The following PDLIM5 variants were observed in gnomAD, a reference collection of about 807,000 sequenced individuals.
The protein encoded by PDLIM5 is PDZ and LIM domain protein 5.
Under a neutral mutation model 64.2 loss-of-function variants are expected in PDLIM5, and 34 were observed. The observed-to-expected ratio is 0.53, with a 90% CI of 0.40 to 0.71. The LOEUF (loss-of-function observed/expected upper bound fraction) is 0.71, where lower values mean the gene tolerates loss of function less well. PDLIM5 is among the 30% of genes least tolerant of loss of function. The probability of loss-of-function intolerance (pLI) is 0.00; values close to 1 mark genes in which losing one functional copy is unlikely to be tolerated. For missense variants in PDLIM5, 683 were observed against 733.6 expected (o/e 0.93, Z 0.80); for synonymous variants, 253 against 269.1 (o/e 0.94, Z 0.59).
chr4:94,471,861 G>A (rs9685629), intron 2 of PDLIM5, among the ~76,000 whole-genome samples: 2 of 151,810 alleles, frequency 1.3e-5, no homozygotes, highest in African/African-American at 4.8e-5. Context: ...ATAAGTATTT[G>A]TACTTACAAA....
chr4:94,480,681 C>A (rs920806638), intron 2 of PDLIM5, among the ~76,000 whole-genome samples: 1 of 152,174 alleles, frequency 6.6e-6, no homozygotes. Flanking sequence ...CCTCCTTCTA[C>A]CCTTCAGACC....
intron 2 of PDLIM5, among the ~76,000 whole-genome samples, chr4:94,508,038 G>A (rs1382736436): frequency 1.3e-5 from 2 of 152,084 alleles, no homozygotes; most frequent in Non-Finnish European, 2.9e-5. Flanking sequence ...GGAACACATG[G>A]TCCACCACTG....
intron 2 of PDLIM5, among the ~76,000 whole-genome samples, chr4:94,520,091 A>C (rs1341668901): frequency 6.6e-6 from 1 of 152,158 alleles, no homozygotes; most frequent in Non-Finnish European, 1.5e-5. Flanking sequence ...CCTTCATTTC[A>C]GCATCAGTGA....
At chr4:94,613,957 A>G (rs1423939618) in intron 7 of PDLIM5, among the ~76,000 whole-genome samples, 1 of 144,620 alleles carries the variant, frequency 6.9e-6, no homozygotes, top group Non-Finnish European at 1.5e-5. Context: ...GTGACTTTTA[A>G]TCCTTTTTTT....
In PDLIM5 at chr4:94,585,743, T is replaced by A. The variant is rs200380148; in HGVS notation, c.883+6T>A. The A allele has an allele frequency of 1.6e-5, 26 of 1,610,120 alleles. No individual in the cohort carries two copies. The East Asian group carries it at 5.6e-4, about 35-fold the overall frequency. On this transcript the variant is annotated splice_donor_region_variant and intron_variant, in intron 6 of 12. Coordinates refer to ENST00000317968, the MANE Select transcript of PDLIM5 (RefSeq NM_006457.5). ...GATCACTGGGACTGAACATTGTAAG[T>A]GAACTTCTAGGTATCCTAATGGATG...
chr4:94,654,288 A>G lies in PDLIM5; in HGVS notation c.1284-172A>G, dbSNP rs151300448. ...CGTCTCCCGTTTTCTTTTCACATCA[A>G]TGCAGAGTCCCTCTGTGAATTTACA... On this transcript the variant is annotated intron_variant, in intron 9 of 12. Coordinates refer to ENST00000317968, the MANE Select transcript of PDLIM5 (RefSeq NM_006457.5). 1.5e-4 allele frequency among the ~76,000 whole-genome samples: 23 copies of G among 152,288 alleles called. 1 individual carries two copies. The East Asian group carries it at 3.9e-3, about 26-fold the overall frequency.
At chr4:94,649,112 ACCACGGGCACGTG>A (rs766481316) in intron 9 of PDLIM5, among the ~76,000 whole-genome samples, 3 of 151,898 alleles carry the variant, frequency 2.0e-5, no homozygotes, top group Non-Finnish European at 4.4e-5. Flanking sequence ...AATAGCTAAG[ACCACGGGCACGTG>A]CCACCATGCC....
At position 94,665,508 on chromosome 4, in the gene PDLIM5, AGAG is replaced by A. The variant is rs1743037433; in HGVS notation, c.*1442_*1444del. ...AAAAAAAAAAAAAAAAAAAAAAAAG[AGAG>A]AGAGAGAATAAATAGAAAAGAATGT... On this transcript the variant is annotated 3_prime_UTR_variant, in exon 13 of 13. Transcript: ENST00000317968. 1.0e-5 allele frequency: 6 copies of A among 585,952 alleles called. No individual in the cohort carries two copies. Among genetic ancestry groups the A allele is most frequent in the South Asian group, 7.4e-5 (1 of 13,514 alleles). The allele number at this position is 585,952 out of a possible 1,614,324, so 36.3% of individuals were successfully genotyped here.
At chr4:94,655,184 T>A (rs1742115750) in intron 10 of PDLIM5, among the ~76,000 whole-genome samples, 2 of 152,178 alleles carry the variant, frequency 1.3e-5, no homozygotes, top group African/African-American at 4.8e-5. Context: ...GCACATGTGA[T>A]GGAAAAATAA....
At chr4:94,498,386 T>G (rs1727596232) in intron 2 of PDLIM5, among the ~76,000 whole-genome samples, 1 of 152,136 alleles carries the variant, frequency 6.6e-6, no homozygotes, top group African/African-American at 2.4e-5. Context: ...CACATATGGG[T>G]CTTCTTTTTG....
intron 11 of PDLIM5, among the ~76,000 whole-genome samples, chr4:94,659,224 A>C (rs978685440): frequency 1.3e-5 from 2 of 151,902 alleles, no homozygotes; most frequent in Admixed American, 1.3e-4. Context: ...CTATCCAAAA[A>C]CCTGCAGGCC....
intron 2 of PDLIM5, among the ~76,000 whole-genome samples, chr4:94,521,468 A>G (rs1207397921): frequency 6.6e-6 from 1 of 152,054 alleles, no homozygotes; most frequent in Non-Finnish European, 1.5e-5. Flanking sequence ...GTGGTACTTA[A>G]GGAAGAGGCA....
rs1297412902 is a variant in PDLIM5 at position 94,592,839 on chromosome 4, G to A, written c.920+6395G>A. Among the ~76,000 whole-genome samples, 6 of 151,990 alleles carry A rather than the reference G, an allele frequency of 3.9e-5. No individual in the cohort carries two copies. The East Asian group carries it at 5.8e-4, about 15-fold the overall frequency. On this transcript the variant is annotated intron_variant, in intron 7 of 12. Coordinates refer to ENST00000317968, the MANE Select transcript of PDLIM5 (RefSeq NM_006457.5). ...TTGCCATGTTGCCCAGGCTGGTCTC[G>A]AACTCTTGGCAATCTGCCTGCCTCA...
intron 3 of PDLIM5, among the ~76,000 whole-genome samples, chr4:94,546,100 A>G (rs1732288382): frequency 6.6e-6 from 1 of 152,196 alleles, no homozygotes; most frequent in Non-Finnish European, 1.5e-5. Context: ...TGTGCATATT[A>G]TACAAATGAT....
chr4:94,611,488 TTC>T (rs1402916100), intron 7 of PDLIM5, among the ~76,000 whole-genome samples: 3 of 152,346 alleles, frequency 2.0e-5, no homozygotes, highest in Admixed American at 6.5e-5. Context: ...GCAGTAGAAT[TTC>T]TGTCTTTCAT....
intron 2 of PDLIM5, among the ~76,000 whole-genome samples, chr4:94,491,780 A>G (rs1364491929): frequency 6.6e-6 from 1 of 152,116 alleles, no homozygotes; most frequent in African/African-American, 2.4e-5. Context: ...ATTTTAATTG[A>G]CATATCTTAA....
intron 9 of PDLIM5, among the ~76,000 whole-genome samples, chr4:94,641,966 G>A (rs1741035973): frequency 1.3e-5 from 2 of 152,172 alleles, no homozygotes; most frequent in South Asian, 4.1e-4. Context: ...TGGGGTCTCT[G>A]TCTTATAGAA....
At chr4:94,486,847 T>TA (rs1450387227) in intron 2 of PDLIM5, among the ~76,000 whole-genome samples, 5 of 151,956 alleles carry the variant, frequency 3.3e-5, no homozygotes, top group Middle Eastern at 3.4e-3. Context: ...ACAAAAAAGT[T>TA]AAAAAATTAG....
At chr4:94,634,701 T>C (rs144995198) in intron 8 of PDLIM5, among the ~76,000 whole-genome samples, 41 of 152,350 alleles carry the variant, frequency 2.7e-4, no homozygotes, top group Non-Finnish European at 3.5e-4. Context: ...ACTACTGTCT[T>C]TTAAGTGTGT....
Sources: gnomAD v4.1 joint callset for allele counts (sites outside exome capture counted in the v4.1 genomes callset) on GRCh38, gnomAD v4.1.1 for gene constraint, MANE v1.5 for transcripts, NCBI Gene and HGNC (gene_info 2026-07-23, HGNC 2026-07-21) for gene names.